The following CNTRL variants were observed in gnomAD, a reference collection of about 807,000 sequenced individuals.
CNTRL encodes the protein 110 kDa centrosomal protein.
Under a neutral mutation model 303.7 loss-of-function variants are expected in CNTRL, and 233 were observed. That is an observed-to-expected ratio of 0.77 (90% CI 0.69 to 0.86). The LOEUF (loss-of-function observed/expected upper bound fraction) is 0.86. Among genes scored for constraint, CNTRL ranks in the 40% least tolerant of loss-of-function variants. CNTRL has a pLI of 0.00. For missense variants in CNTRL, 2,524 were observed against 2,650.6 expected (o/e 0.95, Z 1.05); for synonymous variants, 900 against 922.2 (o/e 0.98, Z 0.44).
intron 37 of CNTRL, 59 bp downstream of exon 37, chr9:121,167,736 T>G: frequency 6.9e-7 from 1 of 1,459,620 alleles, no homozygotes; most frequent in Non-Finnish European, 9.4e-7. Context: ...GTGAGCCTAT[T>G]TTTCCCCTGG....
chr9:121,078,345 T>A (rs1343195257), intron 1 of CNTRL, among the ~76,000 whole-genome samples: 2 of 151,234 alleles, frequency 1.3e-5, no homozygotes, highest in African/African-American at 4.9e-5. Flanking sequence ...GAGGCGGAGG[T>A]TATAGTGAGC....
chr9:121,155,756 A>G (rs1323789167), intron 27 of CNTRL, among the ~76,000 whole-genome samples: 1 of 152,214 alleles, frequency 6.6e-6, no homozygotes, highest in Non-Finnish European at 1.5e-5. Context: ...AGCCCTGTGT[A>G]GATGATGTTA....
intron 38 of CNTRL, 98 bp from the exon 39 acceptor site, chr9:121,169,513 A>G (rs2053220212): frequency 9.0e-7 from 1 of 1,117,204 alleles, no homozygotes; most frequent in African/African-American, 1.5e-5. Flanking sequence ...CTGCATGGGT[A>G]GCATATCACC....
intron 34 of CNTRL, among the ~76,000 whole-genome samples, chr9:121,163,644 A>G (rs1003745077): frequency 1.3e-5 from 2 of 152,146 alleles, no homozygotes; most frequent in African/African-American, 4.8e-5. Context: ...TACATGTATA[A>G]AGAACTCTCA....
intron 9 of CNTRL, among the ~76,000 whole-genome samples, chr9:121,112,828 C>G (rs374168462): frequency 6.6e-6 from 1 of 152,180 alleles, no homozygotes; most frequent in African/African-American, 2.4e-5. Context: ...CAAAAGCAGT[C>G]GTCTAACTCG....
intron 31 of CNTRL, among the ~76,000 whole-genome samples, chr9:121,159,426 G>A (rs943029449): frequency 2.0e-5 from 3 of 152,300 alleles, no homozygotes; most frequent in Admixed American, 1.3e-4. Flanking sequence ...GAGGTTAAGA[G>A]ATTGAGACCA....
intron 7 of CNTRL, among the ~76,000 whole-genome samples, chr9:121,099,074 C>T (rs1034606066): frequency 6.6e-6 from 1 of 152,162 alleles, no homozygotes; most frequent in African/African-American, 2.4e-5. Context: ...TAGTGGTTCT[C>T]CCAGCACGGA....
chr9:121,110,309 A>C (rs1187471165), intron 8 of CNTRL, among the ~76,000 whole-genome samples: 9 of 152,292 alleles, frequency 5.9e-5, no homozygotes, highest in African/African-American at 2.2e-4. Flanking sequence ...TTAATGAGCT[A>C]ATAATGAAAA....
chr9:121,153,123 C>G (rs1394205351), intron 26 of CNTRL, among the ~76,000 whole-genome samples: 1 of 152,098 alleles, frequency 6.6e-6, no homozygotes, highest in Non-Finnish European at 1.5e-5. Context: ...TCAAACTGGT[C>G]CCTTTCTGTC....
In CNTRL at chr9:121,114,628, T is replaced by C. The variant is rs1000421363; in HGVS notation, c.1346-463T>C. ...TAAATTTGAGGTTGAAAATAATTGATTTGAGATCATCAACAGCTGGGAGAG... is the reference window on the plus strand; with the variant it reads ...TAAATTTGAGGTTGAAAATAATTGACTTGAGATCATCAACAGCTGGGAGAG... On this transcript the variant is annotated intron_variant, in intron 10 of 43. Coordinates refer to ENST00000373855, the MANE Select transcript of CNTRL (RefSeq NM_007018.6). 4.6e-5 allele frequency among the ~76,000 whole-genome samples: 7 copies of C among 152,266 alleles called. No homozygotes were observed. In the East Asian group the frequency reaches 1.3e-3, roughly 29 times the overall value.
intron 1 of CNTRL, among the ~76,000 whole-genome samples, chr9:121,077,521 C>A (rs182876833): frequency 4.9e-4 from 75 of 152,304 alleles, no homozygotes; most frequent in African/African-American, 1.7e-3. Flanking sequence ...AGTGTCCAAG[C>A]TTTACAGAAG....
chr9:121,168,221 C>G lies in CNTRL; in HGVS notation c.5970C>G (p.Asp1990Glu). The G allele has an allele frequency of 6.2e-7, 1 of 1,614,114 alleles. No homozygotes were observed. The highest frequency in any genetic ancestry group is 8.5e-7 in the Non-Finnish European group (1 of 1,180,014). ...KELTDQKSKL[D>E]QVLSKVLAAE... ...TAACAGACCAGAAAAGCAAACTGGACCAAGTGCTCTCAAAGGTGCTGGCAG... is the reference window on the plus strand; with the variant it reads ...TAACAGACCAGAAAAGCAAACTGGAGCAAGTGCTCTCAAAGGTGCTGGCAG... The change falls in exon 38 of 44, where the codon GAC becomes GAG. Residue 1990 changes from aspartate to glutamate, a missense_variant. Physicochemically the swap from Asp to Glu is conservative, Grantham distance 45. Transcript: ENST00000373855.
chr9:121,084,192 A>G (rs2048256513), intron 2 of CNTRL, among the ~76,000 whole-genome samples: 1 of 152,202 alleles, frequency 6.6e-6, no homozygotes, highest in Non-Finnish European at 1.5e-5. Flanking sequence ...CTCGAGATCT[A>G]TACATCTTAT....
Position 121,135,996 on chromosome 9 carries a change from T to C in CNTRL, c.2202+14T>C. 6.3e-7 allele frequency: 1 copy of C among 1,575,990 alleles called. No individual in the cohort carries two copies. The highest frequency in any genetic ancestry group is 8.7e-7 in the Non-Finnish European group (1 of 1,155,710). On this transcript the variant is annotated intron_variant, in intron 15 of 43. Transcript: ENST00000373855. ...AGACTTACCCAGGTAAGTAGGAGCA[T>C]GAAGCCAACTGCAAACTAAGGACCC...
intron 19 of CNTRL, among the ~76,000 whole-genome samples, chr9:121,142,627 C>T (rs1333080600): frequency 6.6e-6 from 1 of 152,216 alleles, no homozygotes; most frequent in East Asian, 1.9e-4. Context: ...TCTAATACCC[C>T]TGCCTCTCTT....
chr9:121,165,775 T>C (rs894398828), intron 35 of CNTRL, among the ~76,000 whole-genome samples: 12 of 152,202 alleles, frequency 7.9e-5, no homozygotes, highest in African/African-American at 2.7e-4. Context: ...GATAAAAAAT[T>C]TATTCCCAAA....
intron 14 of CNTRL, among the ~76,000 whole-genome samples, chr9:121,126,770 G>T (rs377177683): frequency 6.6e-6 from 1 of 151,740 alleles, no homozygotes; most frequent in East Asian, 1.9e-4. Flanking sequence ...GTATCATAGT[G>T]TACATATTTG....
intron 7 of CNTRL, among the ~76,000 whole-genome samples, chr9:121,103,715 A>G (rs1170015274): frequency 1.3e-5 from 2 of 152,258 alleles, no homozygotes; most frequent in Non-Finnish European, 2.9e-5. Context: ...AAGCAGCCCC[A>G]TCAAAAAGTG....
At position 121,175,150 on chromosome 9, in the gene CNTRL, G is replaced by A; in HGVS notation, c.6880G>A (p.Asp2294Asn). The change falls in exon 43 of 44, where the codon GAT becomes AAT. Residue 2294 changes from aspartate to asparagine, a missense_variant. Coordinates refer to ENST00000373855, the MANE Select transcript of CNTRL (RefSeq NM_007018.6). The stretch of plus-strand genomic sequence containing the variant: ...GGAATTGGTCACCAGCACCTCTGCA[G>A]ATTCAGCGTCATCACCCAGTCTGTC... ...LGELVTSTSA[D>N]SASSPSLSQL... is the part of the protein sequence containing the mutation. The A allele has an allele frequency of 6.2e-7, 1 of 1,614,178 alleles. No homozygotes were observed. The highest frequency in any genetic ancestry group is 8.5e-7 in the Non-Finnish European group (1 of 1,180,026).
Sources: gnomAD v4.1 joint callset for allele counts (sites outside exome capture counted in the v4.1 genomes callset) on GRCh38, gnomAD v4.1.1 for gene constraint, MANE v1.5 for transcripts, NCBI Gene and HGNC (gene_info 2026-07-23, HGNC 2026-07-21) for gene names.